Variants in SCAI observed in about 807,000 individuals in gnomAD.
The protein encoded by SCAI is protein SCAI.
Under a neutral mutation model 92.2 loss-of-function variants are expected in SCAI, and 24 were observed. The observed-to-expected ratio is 0.26, with a 90% CI of 0.19 to 0.37. The LOEUF is 0.37. SCAI is among the 10% of genes least tolerant of loss of function. The probability of loss-of-function intolerance (pLI) is 1.00; values close to 1 mark genes in which losing one functional copy is unlikely to be tolerated. For missense variants in SCAI, 450 were observed against 736.2 expected, an observed-to-expected ratio of 0.61 and a Z score of 4.50; for synonymous variants, 261 against 258.6, an observed-to-expected ratio of 1.01 and a Z score of -0.09.
chr9:125,122,703 G>A (rs10986574), intron 2 of SCAI, among the ~76,000 whole-genome samples: 1,952 of 150,770 alleles, frequency 0.013, 99 homozygotes, highest in Admixed American at 0.083. Flanking sequence ...CCAGGAGTTC[G>A]AGACCAGCCT....
intron 3 of SCAI, among the ~76,000 whole-genome samples, chr9:125,048,133 C>T (rs1833483352): frequency 6.6e-6 from 1 of 152,154 alleles, no homozygotes; most frequent in Non-Finnish European, 1.5e-5. Flanking sequence ...CATGTGCCAC[C>T]ATGCCCAGCT....
intron 3 of SCAI, among the ~76,000 whole-genome samples, chr9:125,042,638 C>T (rs563704438): frequency 2.7e-5 from 2 of 73,578 alleles, no homozygotes; most frequent in African/African-American, 4.8e-5. Flanking sequence ...TGTGTGTACA[C>T]ACACACACAC....
intron 2 of SCAI, among the ~76,000 whole-genome samples, chr9:125,140,966 T>C (rs1261407762): frequency 1.3e-5 from 2 of 152,208 alleles, no homozygotes; most frequent in African/African-American, 4.8e-5. Context: ...TTGTACTAAC[T>C]TGAAATCTAG....
intron 9 of SCAI, among the ~76,000 whole-genome samples, chr9:125,015,559 G>A (rs916030883): frequency 6.6e-6 from 1 of 152,198 alleles, no homozygotes; most frequent in Non-Finnish European, 1.5e-5. Flanking sequence ...TGGAGAAATA[G>A]GAACACTTTT....
chr9:125,117,894 C>T (rs1307633387), intron 2 of SCAI, among the ~76,000 whole-genome samples: 1 of 152,094 alleles, frequency 6.6e-6, no homozygotes, highest in African/African-American at 2.4e-5. Flanking sequence ...TGTGCCACTT[C>T]CTAGCTGTGT....
In SCAI at chr9:125,093,676, C is replaced by G. The variant is rs573518967; in HGVS notation, c.99-37669G>C. ...CGCCTCCCGGGTTCAAGCAATTCTC[C>G]TGCCTCAGCCTCCCGAGTAGCTGGG... On this transcript the variant is annotated intron_variant, in intron 2 of 17. Transcript: ENST00000336505. 3.3e-5 allele frequency among the ~76,000 whole-genome samples: 5 copies of G among 151,734 alleles called. No individual in the cohort carries two copies. In the East Asian group the frequency reaches 5.9e-4, roughly 18 times the overall value.
At chr9:124,983,045 G>T (rs1385062120) in intron 14 of SCAI, among the ~76,000 whole-genome samples, 1 of 151,734 alleles carries the variant, frequency 6.6e-6, no homozygotes, top group South Asian at 2.1e-4. Context: ...CCTAGTACTC[G>T]GGAGGCTGAC....
intron 2 of SCAI, among the ~76,000 whole-genome samples, chr9:125,081,803 A>T (rs963990441): frequency 6.6e-6 from 1 of 152,140 alleles, no homozygotes; most frequent in Non-Finnish European, 1.5e-5. Context: ...TTAAAGGCTC[A>T]GGCAATCCGC....
chr9:125,142,614 T>C lies in SCAI; in HGVS notation c.98+19A>G, dbSNP rs1261887376. 1 of 1,607,830 alleles carries C rather than the reference T, an allele frequency of 6.2e-7. No homozygotes were observed. Among genetic ancestry groups the C allele is most frequent in the South Asian group, 1.1e-5 (1 of 90,926 alleles). On this transcript the variant is annotated intron_variant, in intron 2 of 17. Transcript: ENST00000336505. Reference sequence around the variant, plus strand: ...GCAAAAAGAAAAACATGAAGCAAAATAGGAAGGCACTGCCTTACCTGCTTC... The same window carrying C: ...GCAAAAAGAAAAACATGAAGCAAAACAGGAAGGCACTGCCTTACCTGCTTC...
intron 3 of SCAI, among the ~76,000 whole-genome samples, chr9:125,048,012 CTT>C (rs1833480767): frequency 6.6e-6 from 1 of 151,790 alleles, no homozygotes; most frequent in Admixed American, 6.6e-5. Context: ...GAATTTCACT[CTT>C]GTTGCCCAGG....
At chr9:124,992,712 T>A (rs1426393245) in intron 14 of SCAI, among the ~76,000 whole-genome samples, 1 of 152,184 alleles carries the variant, frequency 6.6e-6, no homozygotes, top group African/African-American at 2.4e-5. Flanking sequence ...AAGATTGGTA[T>A]GTTCTGGACG....
chr9:125,046,703 T>TAA (rs200503242), intron 3 of SCAI, among the ~76,000 whole-genome samples: 5 of 124,552 alleles, frequency 4.0e-5, no homozygotes, highest in African/African-American at 6.3e-5. Flanking sequence ...CTACTGAAAT[T>TAA]TAAAAAAAAA....
chr9:124,948,345 G>T lies in SCAI; in HGVS notation c.*4462C>A, dbSNP rs1485434378. On this transcript the variant is annotated 3_prime_UTR_variant, in exon 18 of 18. Coordinates refer to ENST00000336505, the MANE Select transcript of SCAI (RefSeq NM_001144877.3). ...GTACAATAAATTCTGTGCTTTGAAA[G>T]GTTTGAGAGCACCACTTTCTAAGAG... The T allele has an allele frequency of 6.6e-6, 1 of 152,188 alleles. No individual in the cohort carries two copies. The highest frequency in any genetic ancestry group is 2.4e-5 in the African/African-American group (1 of 41,452). The allele number at this position is 152,188 out of a possible 1,614,324, so 9.4% of individuals were successfully genotyped here. A position where few individuals can be genotyped will look rare whatever the true frequency, so the allele number is the denominator to read the frequency against.
At chr9:125,058,347 C>T (rs1467683342) in intron 2 of SCAI, among the ~76,000 whole-genome samples, 1 of 151,886 alleles carries the variant, frequency 6.6e-6, no homozygotes, top group African/African-American at 2.4e-5. Context: ...AACCCATCTC[C>T]ACCAAAAAAT....
chr9:125,023,921 G>A (rs1487204922), intron 6 of SCAI, among the ~76,000 whole-genome samples: 1 of 151,870 alleles, frequency 6.6e-6, no homozygotes, highest in African/African-American at 2.4e-5. Context: ...ACAACCCCTA[G>A]CCTACCAACT....
chr9:125,125,969 C>G (rs901568643), intron 2 of SCAI, among the ~76,000 whole-genome samples: 2 of 150,250 alleles, frequency 1.3e-5, no homozygotes, highest in Non-Finnish European at 3.0e-5. Flanking sequence ...CTTTGTCCAT[C>G]AGAAACCTAT....
intron 17 of SCAI, among the ~76,000 whole-genome samples, chr9:124,969,571 T>C (rs1220607096): frequency 2.0e-5 from 3 of 152,098 alleles, no homozygotes; most frequent in Admixed American, 2.0e-4. Flanking sequence ...AAATAAAAAT[T>C]AAAACCACAA....
chr9:125,002,065 T>C (rs777825019), intron 11 of SCAI, 22 bp from the exon 12 acceptor site: 2 of 1,518,800 alleles, frequency 1.3e-6, no homozygotes, highest in East Asian at 2.2e-5. Flanking sequence ...GAAAATCACA[T>C]ACACAAAACA....
chr9:125,051,647 T>C (rs1238333200), intron 3 of SCAI, among the ~76,000 whole-genome samples: 1 of 152,210 alleles, frequency 6.6e-6, no homozygotes, highest in Non-Finnish European at 1.5e-5. Flanking sequence ...CCCATACATA[T>C]GTAAAATTAT....
Sources: gnomAD v4.1 joint callset for allele counts (sites outside exome capture counted in the v4.1 genomes callset) on GRCh38, gnomAD v4.1.1 for gene constraint, MANE v1.5 for transcripts, NCBI Gene and HGNC (gene_info 2026-07-23, HGNC 2026-07-21) for gene names.